Variants in ST18 observed in about 807,000 individuals in gnomAD.
ST18 encodes the protein suppression of tumorigenicity 18 protein.
ST18 carries 50 observed loss-of-function variants against 110.0 expected under a neutral mutation model. That is an observed-to-expected ratio of 0.45 (90% CI 0.36 to 0.58). ST18 has a LOEUF of 0.58. ST18 is among the 20% of genes least tolerant of loss of function. The pLI is 0.00. For missense variants in ST18, 1,306 were observed against 1,280.1 expected, an observed-to-expected ratio of 1.02 and a Z score of -0.31; for synonymous variants, 461 against 452.4, an observed-to-expected ratio of 1.02 and a Z score of -0.24.
At chr8:52,205,452 T>G (rs2079613283) in intron 8 of ST18, among the ~76,000 whole-genome samples, 1 of 152,154 alleles carries the variant, frequency 6.6e-6, no homozygotes, top group South Asian at 2.1e-4. Flanking sequence ...TATATTTGAG[T>G]CTTTCCTAGA....
chr8:52,189,055 C>T (rs2073491977), intron 8 of ST18, among the ~76,000 whole-genome samples: 1 of 152,166 alleles, frequency 6.6e-6, no homozygotes, highest in African/African-American at 2.4e-5. Context: ...CCTGGATCCT[C>T]TGAGCCATAA....
chr8:52,211,993 A>G (rs1050227655), intron 8 of ST18, 86 bp downstream of exon 8: 1 of 1,427,776 alleles, frequency 7.0e-7, no homozygotes, highest in Non-Finnish European at 9.7e-7. Flanking sequence ...TGCTAAAAAA[A>G]GTATTCTGAG....
At chr8:52,170,452 C>CAATCAATAAATA (rs753846407) in intron 10 of ST18, among the ~76,000 whole-genome samples, 31 of 128,062 alleles carry the variant, frequency 2.4e-4, no homozygotes, top group Non-Finnish European at 4.1e-4. Flanking sequence ...ACTCAAAAAT[C>CAATCAATAAATA]AATAAATAAA....
At chr8:52,211,284 T>C (rs1295317674) in intron 8 of ST18, among the ~76,000 whole-genome samples, 1 of 152,012 alleles carries the variant, frequency 6.6e-6, no homozygotes, top group Non-Finnish European at 1.5e-5. Context: ...GCAATATCTG[T>C]GACGAAAATG....
chr8:52,257,730 G>A (rs954213132), intron 2 of ST18, among the ~76,000 whole-genome samples: 1 of 152,222 alleles, frequency 6.6e-6, no homozygotes, highest in Non-Finnish European at 1.5e-5. Flanking sequence ...TTCTCCCATT[G>A]TGTGGGCTGT....
In ST18 at chr8:52,212,178, C is replaced by A. The variant is rs1373487901; in HGVS notation, c.56-69G>T. Reference sequence around the variant, plus strand: ...AATTTTCAAAACTGTATAATGGAAACTTTTCCCCCACCTAGAGGTAACGAC... The same window carrying A: ...AATTTTCAAAACTGTATAATGGAAAATTTTCCCCCACCTAGAGGTAACGAC... On this transcript the variant is annotated intron_variant, in intron 7 of 25. Coordinates refer to ENST00000689386, the MANE Select transcript of ST18 (RefSeq NM_001352837.2). 57 of 1,481,200 alleles carry A rather than the reference C, an allele frequency of 3.8e-5. No individual in the cohort carries two copies. In the East Asian group the frequency reaches 1.3e-3, roughly 33 times the overall value. 91.8% of individuals were successfully genotyped at this position (1,481,200 alleles called of 1,614,324 possible). A position where few individuals can be genotyped will look rare whatever the true frequency, so the allele number is the denominator to read the frequency against.
intron 2 of ST18, chr8:52,393,426 A>G (rs1339176546): frequency 2.0e-5 from 3 of 152,132 alleles, no homozygotes; most frequent in Non-Finnish European, 4.4e-5. Flanking sequence ...GCATTGCAAC[A>G]CATCCTCAAA....
Position 52,333,013 on chromosome 8 carries a change from CA to C in ST18, c.-465+76314del, listed in dbSNP as rs1351106929. On this transcript the variant is annotated intron_variant, in intron 2 of 25. Transcript: ENST00000689386. ...GGGAGGCTGAATCACTTGCCCCAAA[CA>C]TAGAACAACATAAACTGAGGTGGGA... Among the ~76,000 whole-genome samples, 5 of 152,070 alleles carry C rather than the reference CA, an allele frequency of 3.3e-5. 1 individual carries two copies. Among genetic ancestry groups the C allele is most frequent in the South Asian group, 4.2e-4 (2 of 4,810 alleles).
At chr8:52,346,210 T>C (rs1817703490) in intron 2 of ST18, among the ~76,000 whole-genome samples, 1 of 150,972 alleles carries the variant, frequency 6.6e-6, no homozygotes, top group African/African-American at 2.4e-5. Context: ...GTTAAAAGTT[T>C]TAAACGAAAA....
chr8:52,194,251 G>T (rs982261785), intron 8 of ST18: 2 of 152,192 alleles, frequency 1.3e-5, no homozygotes, highest in African/African-American at 4.8e-5. Context: ...GGTAAGTGGG[G>T]TTCCCCAGCT....
At position 52,360,288 on chromosome 8, in the gene ST18, G is replaced by A. The variant is rs142360849; in HGVS notation, c.-465+49040C>T. Among the ~76,000 whole-genome samples, 1,207 of 151,948 alleles carry A rather than the reference G, an allele frequency of 7.9e-3. 16 individuals carry two copies. Among genetic ancestry groups the A allele is most frequent in the African/African-American group, 0.028 (1,144 of 41,462 alleles). The stretch of plus-strand genomic sequence containing the variant: ...AATGCATGTTTATATTAAATACTTA[G>A]GTTGAACTTTTTATAAGCGTATACA... On this transcript the variant is annotated intron_variant, in intron 2 of 25. Transcript: ENST00000689386.
At chr8:52,282,099 A>G (rs2095390448) in intron 2 of ST18, among the ~76,000 whole-genome samples, 1 of 152,176 alleles carries the variant, frequency 6.6e-6, no homozygotes, top group African/African-American at 2.4e-5. Context: ...AGAGCATTAC[A>G]AAGATATGAT....
At chr8:52,114,258 C>T (rs993370066) in intron 25 of ST18, among the ~76,000 whole-genome samples, 4 of 152,126 alleles carry the variant, frequency 2.6e-5, no homozygotes, top group African/African-American at 7.2e-5. Flanking sequence ...GTGTGAGCCA[C>T]CATGCTTGGC....
At chr8:52,127,976 T>C (rs1310543524) in intron 22 of ST18, among the ~76,000 whole-genome samples, 1 of 77,762 alleles carries the variant, frequency 1.3e-5, no homozygotes, top group Non-Finnish European at 2.2e-5. Context: ...TATTAAGGGA[T>C]TTTTTTTTTT....
At chr8:52,248,484 T>G (rs1013040016) in intron 2 of ST18, 1 of 152,334 alleles carries the variant, frequency 6.6e-6, no homozygotes, top group Non-Finnish European at 1.5e-5. Flanking sequence ...TTTACCTGAA[T>G]GTCTTGTAAC....
At chr8:52,257,157 AT>A (rs1209127746) in intron 2 of ST18, among the ~76,000 whole-genome samples, 2 of 152,170 alleles carry the variant, frequency 1.3e-5, no homozygotes, top group African/African-American at 4.8e-5. Flanking sequence ...TGTATTACTG[AT>A]TAATATTCTA....
chr8:52,380,222 A>G (rs2140825515), intron 2 of ST18, among the ~76,000 whole-genome samples: 1 of 152,340 alleles, frequency 6.6e-6, no homozygotes, highest in Admixed American at 6.5e-5. Context: ...TCTTGCAAAC[A>G]GATGACATAA....
chr8:52,243,657 A>T (rs1215580256), intron 2 of ST18, among the ~76,000 whole-genome samples: 1 of 152,220 alleles, frequency 6.6e-6, no homozygotes, highest in Admixed American at 6.5e-5. Context: ...TATATAATGC[A>T]TGTAAAGAAC....
chr8:52,384,952 C>T (rs530143259), intron 2 of ST18, among the ~76,000 whole-genome samples: 11 of 152,310 alleles, frequency 7.2e-5, no homozygotes, highest in African/African-American at 2.6e-4. Flanking sequence ...ATCGGCAGCA[C>T]TTACAGTCAG....
Sources: allele counts gnomAD v4.1 joint callset (sites outside exome capture counted in the v4.1 genomes callset), GRCh38; gene constraint gnomAD v4.1.1; transcripts MANE v1.5; gene names NCBI Gene and HGNC (gene_info 2026-07-23, HGNC 2026-07-21).